The following FIS1 variants were observed in gnomAD, a reference collection of about 807,000 sequenced individuals.
FIS1 encodes the protein fission, mitochondrial 1, also known as mitochondrial fission 1 protein.
FIS1 carries 16 observed loss-of-function variants against 21.6 expected under a neutral mutation model. The ratio of observed to expected loss-of-function variants is 0.74; its 90% confidence interval spans 0.50 to 1.12. The LOEUF (loss-of-function observed/expected upper bound fraction) is 1.12, where lower values mean the gene tolerates loss of function less well. FIS1 is among the 50% of genes most tolerant of loss of function. The pLI is 0.00. For synonymous variants in FIS1, 92 were observed against 82.2 expected (o/e 1.12, Z -0.65); for missense variants, 198 against 190.9 (o/e 1.04, Z -0.22).
In FIS1 at chr7:101,239,647, C is replaced by T. The variant is rs1199239225; in HGVS notation, c.*159G>A. ...ACAGCCCCGTTTTATTTACACTCATCCCAAAGCACATGATGGGGCTGAAGG... is the reference window on the plus strand; with the variant it reads ...ACAGCCCCGTTTTATTTACACTCATTCCAAAGCACATGATGGGGCTGAAGG... On this transcript the variant is annotated 3_prime_UTR_variant, in exon 5 of 5. Transcript: ENST00000223136. 1 of 703,692 alleles carries T rather than the reference C, an allele frequency of 1.4e-6. No individual in the cohort carries two copies. Among genetic ancestry groups the T allele is most frequent in the South Asian group, 1.5e-5 (1 of 65,850 alleles). The allele number at this position is 703,692 out of a possible 1,614,324, so 43.6% of individuals were successfully genotyped here.
intron 2 of FIS1, chr7:101,241,730 C>T (rs1361707303): frequency 4.0e-5 from 6 of 148,214 alleles, no homozygotes; most frequent in Admixed American, 1.4e-4. Flanking sequence ...GAAGCTGAGC[C>T]GGGCGGATCA....
chr7:101,244,277 GC>G, intron 1 of FIS1, 138 bp from the exon 2 acceptor site: 1 of 1,194,436 alleles, frequency 8.4e-7, no homozygotes, highest in South Asian at 1.7e-5. Context: ...CTATCTCCAT[GC>G]CCGGGACCCA....
chr7:101,244,551 G>A (rs773928901), intron 1 of FIS1: 3 of 345,564 alleles, frequency 8.7e-6, no homozygotes, highest in Non-Finnish European at 1.6e-5. Context: ...TAGAAGTAGT[G>A]CCTACCTCCT....
Position 101,245,043 on chromosome 7 carries a change from T to A in FIS1, c.-39A>T, listed in dbSNP as rs1279271908. On this transcript the variant is annotated 5_prime_UTR_variant, in exon 1 of 5. Transcript: ENST00000223136. ...GCGAGCCTCACACTACAGTCTACTG[T>A]GCCACAGTCTCCATGGCCCAGTGGC... The A allele has an allele frequency of 6.2e-7, 1 of 1,610,238 alleles. No homozygotes were observed. Among genetic ancestry groups the A allele is most frequent in the Non-Finnish European group, 8.5e-7 (1 of 1,177,722 alleles).
intron 2 of FIS1, among the ~76,000 whole-genome samples, chr7:101,243,584 CA>C (rs939033730): frequency 2.6e-4 from 39 of 151,112 alleles, no homozygotes; most frequent in African/African-American, 8.2e-4. Flanking sequence ...CAAACAAAAA[CA>C]AAAAACAAAA....
At chr7:101,244,527 T>G in intron 1 of FIS1, 1 of 330,126 alleles carries the variant, frequency 3.0e-6, no homozygotes, top group East Asian at 6.6e-5. Context: ...CCTGGACCTT[T>G]TATTGTCCAG....
intron 3 of FIS1, among the ~76,000 whole-genome samples, chr7:101,240,571 C>T (rs1296126352): frequency 6.6e-6 from 1 of 152,224 alleles, no homozygotes; most frequent in African/African-American, 2.4e-5. Flanking sequence ...AGCCCCACCC[C>T]ACGGAGTAGA....
intron 3 of FIS1, 87 bp downstream of exon 3, chr7:101,240,743 C>T (rs994536819): frequency 1.5e-6 from 2 of 1,331,506 alleles, no homozygotes; most frequent in East Asian, 2.3e-5. Context: ...TCAGCCTTCC[C>T]GCTGTCCAGG....
intron 1 of FIS1, chr7:101,244,740 AGTCT>A (rs1320493031): frequency 3.4e-6 from 2 of 588,728 alleles, no homozygotes; most frequent in Non-Finnish European, 3.0e-6. Context: ...CCAGGCCCGT[AGTCT>A]GAGGTGTGGG....
chr7:101,242,362 TAGAG>T (rs993533697), intron 2 of FIS1, among the ~76,000 whole-genome samples: 3 of 152,314 alleles, frequency 2.0e-5, no homozygotes, highest in South Asian at 2.1e-4. Flanking sequence ...TGGCAACACT[TAGAG>T]AGGCTGTTTC....
intron 2 of FIS1, 102 bp from the exon 3 acceptor site, chr7:101,241,008 C>A (rs1798740452): frequency 1.7e-6 from 2 of 1,153,030 alleles, no homozygotes; most frequent in Non-Finnish European, 2.6e-6. Context: ...CCTCTGTGAT[C>A]CTGGGAGGGT....
chr7:101,241,704 A>G (rs1239313869), intron 2 of FIS1: 1 of 141,360 alleles, frequency 7.1e-6, no homozygotes, highest in East Asian at 2.1e-4. Context: ...TCATGACTAT[A>G]ATCCCAGCAC....
In FIS1 at chr7:101,245,014, C is replaced by G; in HGVS notation, c.-10G>C. On this transcript the variant is annotated 5_prime_UTR_variant, in exon 1 of 5. Transcript: ENST00000223136. ...TCAGCACGGCCTCCATGGCCACTGC[C>G]CCCGCGAGCCTCACACTACAGTCTA... 6.2e-7 allele frequency: 1 copy of G among 1,613,912 alleles called. No individual in the cohort carries two copies. Among genetic ancestry groups the G allele is most frequent in the Non-Finnish European group, 8.5e-7 (1 of 1,179,916 alleles).
intron 1 of FIS1, chr7:101,244,706 C>G: frequency 3.5e-6 from 2 of 563,556 alleles, no homozygotes; most frequent in South Asian, 4.5e-5. Context: ...TCCCAGATCC[C>G]GTCAGTCTAA....
chr7:101,243,244 C>A (rs1486515341), intron 2 of FIS1, among the ~76,000 whole-genome samples: 2 of 152,122 alleles, frequency 1.3e-5, no homozygotes, highest in Non-Finnish European at 2.9e-5. Flanking sequence ...CAAATGATGA[C>A]CCACCTAAAA....
At position 101,245,039 on chromosome 7, in the gene FIS1, A is replaced by C. The variant is rs1324273035; in HGVS notation, c.-35T>G. The C allele has an allele frequency of 1.7e-5, 28 of 1,612,442 alleles. No individual in the cohort carries two copies. Among genetic ancestry groups the C allele is most frequent in the Non-Finnish European group, 2.3e-5 (27 of 1,179,150 alleles). On this transcript the variant is annotated 5_prime_UTR_variant, in exon 1 of 5. An upstream open reading frame in the 5' UTR loses its in-frame stop. Coordinates refer to ENST00000223136, the MANE Select transcript of FIS1 (RefSeq NM_016068.3). ...CCCCGCGAGCCTCACACTACAGTCT[A>C]CTGTGCCACAGTCTCCATGGCCCAG...
chr7:101,244,701 G>A, intron 1 of FIS1: 1 of 561,584 alleles, frequency 1.8e-6, no homozygotes, highest in Non-Finnish European at 3.2e-6. Flanking sequence ...CATGATCCCA[G>A]ATCCCGTCAG....
chr7:101,244,275 A>C, intron 1 of FIS1, 136 bp from the exon 2 acceptor site: 6 of 1,190,334 alleles, frequency 5.0e-6, no homozygotes, highest in African/African-American at 3.1e-5. Context: ...TGCTATCTCC[A>C]TGCCCGGGAC....
intron 2 of FIS1, 199 bp from the exon 3 acceptor site, chr7:101,241,105 C>A: frequency 1.7e-6 from 1 of 602,450 alleles, no homozygotes; most frequent in Non-Finnish European, 3.0e-6. Context: ...GCTGTGCCAA[C>A]ACCCCAGTGA....
Sources: gnomAD v4.1 joint callset for allele counts (sites outside exome capture counted in the v4.1 genomes callset) on GRCh38, gnomAD v4.1.1 for gene constraint, MANE v1.5 for transcripts, NCBI Gene and HGNC (gene_info 2026-07-23, HGNC 2026-07-21) for gene names.